Variants in CELF2 observed in about 807,000 individuals in gnomAD.
The protein encoded by CELF2 is CUG triplet repeat RNA-binding protein 2.
CELF2 carries 8 observed loss-of-function variants against 62.6 expected under a neutral mutation model. That is an observed-to-expected ratio of 0.13 (90% CI 0.07 to 0.23). The LOEUF is 0.23. Ranked by LOEUF, CELF2 falls within the 10% of genes least tolerant of loss-of-function variation. The pLI is 1.00. For missense variants in CELF2, 333 were observed against 671.0 expected (o/e 0.50, Z 5.56); for synonymous variants, 258 against 250.0 (o/e 1.03, Z -0.30).
At chr10:11,020,714 T>G (rs2058172773) in intron 1 of CELF2, among the ~76,000 whole-genome samples, 1 of 152,200 alleles carries the variant, frequency 6.6e-6, no homozygotes, top group African/African-American at 2.4e-5. Context: ...TAGATAAGTT[T>G]GCAAGATGTA....
the CELF2 span, among the ~76,000 whole-genome samples, chr10:10,656,042 C>T: frequency 2.7e-5 from 4 of 150,304 alleles, no homozygotes; most frequent in Non-Finnish European, 4.4e-5. Context: ...AAAACAACCC[C>T]ATCAAAAAGT....
chr10:11,201,461 AAGG>A lies in CELF2; in HGVS notation c.272-15961_272-15959del, dbSNP rs555308791. Among the ~76,000 whole-genome samples the A allele has an allele frequency of 1.4e-3, 209 of 152,212 alleles. 4 individuals carry two copies. Among genetic ancestry groups the A allele is most frequent in the African/African-American group, 4.8e-3 (199 of 41,502 alleles). On this transcript the variant is annotated intron_variant, in intron 2 of 12. Transcript: ENST00000633077. ...TTTTTTGTCACCTGTGTCCATTCAA[AAGG>A]AGAGGAAAGAAAGTATGGAGGACTC...
the CELF2 span, among the ~76,000 whole-genome samples, chr10:10,477,163 C>T: frequency 6.6e-6 from 1 of 152,182 alleles, no homozygotes; most frequent in Admixed American, 6.6e-5. Context: ...TCAATCAAAC[C>T]ATGAGGCTGA....
intron 1 of CELF2, among the ~76,000 whole-genome samples, chr10:11,142,493 G>A (rs1437475183): frequency 6.6e-6 from 1 of 151,960 alleles, no homozygotes; most frequent in Non-Finnish European, 1.5e-5. Context: ...GACCATCCTG[G>A]CTAACACAGT....
At chr10:10,885,318 T>C (rs1235409166) in intron 1 of CELF2, among the ~76,000 whole-genome samples, 1 of 151,990 alleles carries the variant, frequency 6.6e-6, no homozygotes, top group Non-Finnish European at 1.5e-5. Flanking sequence ...CTAGTGTATA[T>C]GCTGGAGAAA....
the CELF2 span, among the ~76,000 whole-genome samples, chr10:10,762,590 C>A: frequency 6.6e-6 from 1 of 152,188 alleles, no homozygotes; most frequent in Non-Finnish European, 1.5e-5. Context: ...ATTCCGGAAT[C>A]CACTAGGCAA....
the CELF2 span, among the ~76,000 whole-genome samples, chr10:10,780,424 C>T: frequency 1.9e-4 from 29 of 152,162 alleles, 1 homozygote; most frequent in South Asian, 6.1e-3. Context: ...TCTTTCCATC[C>T]TAATCTGTGA....
At position 11,297,771 on chromosome 10, in the gene CELF2, A is replaced by G. The variant is rs1047950447; in HGVS notation, c.976+9219A>G. ...GTTCCTTGAGGAACTCCCTGAGGCCAGGAGTTTGAGACCAGCCTGGCCAAC... is the reference window on the plus strand; with the variant it reads ...GTTCCTTGAGGAACTCCCTGAGGCCGGGAGTTTGAGACCAGCCTGGCCAAC... On this transcript the variant is annotated intron_variant, in intron 9 of 12. Transcript: ENST00000633077. The surrounding 1 kb of genome is among the most constrained non-coding windows in gnomAD (Gnocchi z 4.4). 6.6e-6 allele frequency among the ~76,000 whole-genome samples: 1 copy of G among 152,152 alleles called. No homozygotes were observed. Among genetic ancestry groups the G allele is most frequent in the Non-Finnish European group, 1.5e-5 (1 of 68,006 alleles).
the CELF2 span, among the ~76,000 whole-genome samples, chr10:10,691,114 T>A: frequency 2.6e-5 from 4 of 152,076 alleles, no homozygotes; most frequent in Admixed American, 2.6e-4. Flanking sequence ...CACTAACTCG[T>A]CATCTAGCAT....
Position 11,165,863 on chromosome 10 carries a change from C to T in CELF2, c.271+181C>T, listed in dbSNP as rs923631939. ...GACTCCTCCCCGCACCCCCGCCCGC[C>T]TGCCCGCCGGGACAGGTTGGAGGCG... On this transcript the variant is annotated intron_variant, in intron 2 of 12. Coordinates refer to ENST00000633077, the MANE Select transcript of CELF2 (RefSeq NM_001326342.2). The surrounding 1 kb of genome is among the most constrained non-coding windows in gnomAD (Gnocchi z 7.4). Among the ~76,000 whole-genome samples the T allele has an allele frequency of 6.6e-6, 1 of 152,204 alleles. No individual in the cohort carries two copies. Among genetic ancestry groups the T allele is most frequent in the Non-Finnish European group, 1.5e-5 (1 of 68,024 alleles).
At chr10:10,661,186 T>C in the CELF2 span, among the ~76,000 whole-genome samples, 1 of 152,208 alleles carries the variant, frequency 6.6e-6, no homozygotes, top group African/African-American at 2.4e-5. Flanking sequence ...CCACATCCTC[T>C]TGCAAAGTAA....
rs182740548 is a variant in CELF2 at position 11,042,199 on chromosome 10, A to T, written c.74+24036A>T. Among the ~76,000 whole-genome samples the T allele has an allele frequency of 2.9e-4, 44 of 152,252 alleles. 2 individuals carry two copies. In the East Asian group the frequency reaches 5.8e-3, roughly 20 times the overall value. On this transcript the variant is annotated intron_variant, in intron 1 of 12. Coordinates refer to ENST00000633077, the MANE Select transcript of CELF2 (RefSeq NM_001326342.2). ...TTACATTTATCTCCTTCCCTTTCAA[A>T]TTTGTTATTATTCGACAGTAGACAG...
At chr10:10,760,919 G>A in the CELF2 span, among the ~76,000 whole-genome samples, 2 of 152,172 alleles carry the variant, frequency 1.3e-5, no homozygotes, top group African/African-American at 4.8e-5. Flanking sequence ...GCTCATTAAG[G>A]AGTTTGGACT....
chr10:10,758,234 TG>T, the CELF2 span, among the ~76,000 whole-genome samples: 1 of 152,206 alleles, frequency 6.6e-6, no homozygotes, highest in Admixed American at 6.5e-5. Flanking sequence ...ACTGCCGTCG[TG>T]GAAGGGCAAA....
the CELF2 span, among the ~76,000 whole-genome samples, chr10:10,468,522 T>A: frequency 6.6e-6 from 1 of 152,054 alleles, no homozygotes; most frequent in African/African-American, 2.4e-5. Flanking sequence ...TTGATCTGGA[T>A]ACAATGGTTT....
At chr10:10,639,858 A>T in the CELF2 span, among the ~76,000 whole-genome samples, 1 of 152,200 alleles carries the variant, frequency 6.6e-6, no homozygotes, top group African/African-American at 2.4e-5. Context: ...AGACTGAAGG[A>T]GGAGATGAAA....
chr10:10,907,527 G>C (rs1184523743), intron 1 of CELF2, among the ~76,000 whole-genome samples: 1 of 152,182 alleles, frequency 6.6e-6, no homozygotes, highest in Non-Finnish European at 1.5e-5. Flanking sequence ...AATGGCTAAA[G>C]AAATCCTGGC....
chr10:10,749,196 CA>C, the CELF2 span, among the ~76,000 whole-genome samples: 3 of 152,114 alleles, frequency 2.0e-5, no homozygotes, highest in Non-Finnish European at 4.4e-5. Context: ...CTATGTGTCA[CA>C]TATTGTTGTA....
the CELF2 span, among the ~76,000 whole-genome samples, chr10:10,515,415 T>G: frequency 6.6e-6 from 1 of 152,214 alleles, no homozygotes; most frequent in African/African-American, 2.4e-5. Context: ...CTGAAATCTC[T>G]TCTATTACTA....
Sources: allele counts gnomAD v4.1 joint callset (sites outside exome capture counted in the v4.1 genomes callset), GRCh38; gene constraint gnomAD v4.1.1; non-coding constraint Gnocchi (gnomAD v3.1); transcripts MANE v1.5; gene names NCBI Gene and HGNC (gene_info 2026-07-23, HGNC 2026-07-21).